JAML: variants seen among roughly 807,000 people sequenced by gnomAD.
JAML encodes junctional adhesion molecule-like.
In JAML, 25 loss-of-function variants were observed where a neutral mutation model predicts 39.3. The ratio of observed to expected loss-of-function variants is 0.64; its 90% confidence interval spans 0.46 to 0.89. The LOEUF is 0.89. Ranked by LOEUF, JAML falls within the 40% of genes least tolerant of loss-of-function variation. JAML has a pLI of 0.00. For missense variants in JAML, 440 were observed against 486.9 expected (o/e 0.90, Z 0.91); for synonymous variants, 162 against 179.2 (o/e 0.90, Z 0.77).
At chr11:118,212,348 C>T in intron 3 of JAML, 59 bp downstream of exon 3, 1 of 1,583,520 alleles carries the variant, frequency 6.3e-7, no homozygotes, top group East Asian at 2.2e-5. Flanking sequence ...TTACACCACT[C>T]TGTCCTGACA....
intron 2 of JAML, 94 bp from the exon 3 acceptor site, chr11:118,212,655 C>A: frequency 6.5e-7 from 1 of 1,532,200 alleles, no homozygotes. Flanking sequence ...ACACCCCTCT[C>A]CCTGGATGAT....
In JAML at chr11:118,194,147, C is replaced by A; in HGVS notation, c.*178G>T. On this transcript the variant is annotated 3_prime_UTR_variant, in exon 10 of 10. Coordinates refer to ENST00000356289, the MANE Select transcript of JAML (RefSeq NM_001098526.2). ...CCTCCCCTCAGCAGGCCTGTTCCTC[C>A]AGAGCTGTCCAGTCTCTCTGCCAGG... is the stretch of plus-strand genomic sequence containing the variant. The A allele has an allele frequency of 1.7e-6, 1 of 598,814 alleles. No individual in the cohort carries two copies. Among genetic ancestry groups the A allele is most frequent in the South Asian group, 1.8e-5 (1 of 54,512 alleles). 37.1% of individuals were successfully genotyped at this position (598,814 alleles called of 1,614,324 possible).
Position 118,205,998 on chromosome 11 carries a change from A to G in JAML, c.425-7T>C, listed in dbSNP as rs1286207670. The G allele has an allele frequency of 2.5e-6, 4 of 1,602,866 alleles. No homozygotes were observed. The highest frequency in any genetic ancestry group is 3.4e-6 in the Non-Finnish European group (4 of 1,169,856). The stretch of plus-strand genomic sequence containing the variant: ...CCCACATGGACCATGAGCTCTGAGG[A>G]TAAAACAGTAAATCAAGTCAGACTC... On this transcript the variant is annotated splice_region_variant and splice_polypyrimidine_tract_variant and intron_variant, in intron 4 of 9. Coordinates refer to ENST00000356289, the MANE Select transcript of JAML (RefSeq NM_001098526.2).
chr11:118,205,834 C>T (rs1375763725), intron 5 of JAML, 48 bp downstream of exon 5: 6 of 1,538,212 alleles, frequency 3.9e-6, no homozygotes, highest in African/African-American at 1.4e-5. Context: ...TGTCCTGATA[C>T]CATCAGCCAG....
intron 7 of JAML, among the ~76,000 whole-genome samples, chr11:118,199,853 C>G (rs1055207074): frequency 6.6e-6 from 1 of 151,862 alleles, no homozygotes; most frequent in African/African-American, 2.4e-5. Flanking sequence ...CATGCCACCA[C>G]GTCCAGCTAA....
intron 8 of JAML, 91 bp from the exon 9 acceptor site, chr11:118,196,912 C>T (rs1445136764): frequency 5.6e-5 from 57 of 1,015,756 alleles, no homozygotes; most frequent in Non-Finnish European, 8.0e-5. Context: ...TGCTAGGCAT[C>T]GACCACCCAA....
intron 1 of JAML, among the ~76,000 whole-genome samples, chr11:118,221,194 T>C (rs2134679811): frequency 6.6e-6 from 1 of 152,318 alleles, no homozygotes; most frequent in South Asian, 2.1e-4. Context: ...AAAAGAAGCA[T>C]GCGTAATAAT....
intron 4 of JAML, among the ~76,000 whole-genome samples, chr11:118,208,270 C>T (rs897700199): frequency 6.6e-6 from 1 of 151,944 alleles, no homozygotes; most frequent in Non-Finnish European, 1.5e-5. Context: ...TCCTTGGGCA[C>T]AGGCATCTGA....
intron 4 of JAML, 25 bp from the exon 5 acceptor site, chr11:118,206,016 T>A (rs1948908827): frequency 6.4e-7 from 1 of 1,572,022 alleles, no homozygotes; most frequent in African/African-American, 1.4e-5. Context: ...GTAAATCAAG[T>A]CAGACTCAAG....
At position 118,203,507 on chromosome 11, in the gene JAML, G is replaced by C. The variant is rs200002870; in HGVS notation, c.693C>G (p.Asn231Lys). Residue 231 changes from asparagine (N) to lysine (K), a missense_variant, in exon 6 of 10, where the codon AAC becomes AAG. Transcript: ENST00000356289. ...TCCCTAGGTGGATACTGCAGGTGTA[G>C]TTTCCTCCATCTGACTCCCTCACTC... Reference protein sequence around the residue: ...LQGVRESDGGNYTCSIHLGNL... With the variant: ...LQGVRESDGGKYTCSIHLGNL... 1 of 1,614,044 alleles carries C rather than the reference G, an allele frequency of 6.2e-7. No homozygotes were observed. The highest frequency in any genetic ancestry group is 8.5e-7 in the Non-Finnish European group (1 of 1,180,044).
intron 1 of JAML, among the ~76,000 whole-genome samples, chr11:118,219,333 A>T (rs1043286380): frequency 6.6e-5 from 10 of 152,230 alleles, no homozygotes; most frequent in African/African-American, 1.7e-4. Context: ...TAGGAATGCA[A>T]ACTAGTACAG....
chr11:118,202,589 T>C (rs998941712), intron 6 of JAML: 1 of 217,652 alleles, frequency 4.6e-6, no homozygotes, highest in Non-Finnish European at 9.5e-6. Context: ...AGAAGCTGCA[T>C]GAGCCCCCAT....
Position 118,200,518 on chromosome 11 carries a change from G to A in JAML, c.867C>T (p.Leu289=). 1 of 1,614,058 alleles carries A rather than the reference G, an allele frequency of 6.2e-7. No individual in the cohort carries two copies. Among genetic ancestry groups the A allele is most frequent in the Non-Finnish European group, 8.5e-7 (1 of 1,180,010 alleles). The change falls in exon 7 of 10, where the codon CTC becomes CTT. Residue 289 remains leucine, a synonymous_variant. Coordinates refer to ENST00000356289, the MANE Select transcript of JAML (RefSeq NM_001098526.2). ...TCTTCACGATCAATATCAGAACAGG[G>A]AGCAGCAGGATTGTGGCACAGACAA... is the stretch of plus-strand genomic sequence containing the variant. ...VGIVCATILL[L]PVLILIVKKT... is the part of the protein sequence containing the mutation.
At chr11:118,197,643 T>C (rs947081488) in intron 8 of JAML, 5 of 209,644 alleles carry the variant, frequency 2.4e-5, no homozygotes, top group African/African-American at 4.7e-5. Context: ...ATCATCATCT[T>C]ATGTGAACCT....
At chr11:118,202,984 CT>C (rs1232019731) in intron 6 of JAML, 1 of 457,626 alleles carries the variant, frequency 2.2e-6, no homozygotes, top group Non-Finnish European at 4.4e-6. Flanking sequence ...GTTCTGGTGC[CT>C]GCATGTTCCT....
At chr11:118,207,872 G>A (rs1030082452) in intron 4 of JAML, among the ~76,000 whole-genome samples, 23 of 152,154 alleles carry the variant, frequency 1.5e-4, no homozygotes, top group African/African-American at 4.8e-4. Flanking sequence ...TTCCCTCTGT[G>A]TCTCTTCTAA....
intron 4 of JAML, among the ~76,000 whole-genome samples, chr11:118,206,730 T>C (rs966802134): frequency 3.9e-5 from 6 of 152,136 alleles, no homozygotes; most frequent in Non-Finnish European, 7.4e-5. Flanking sequence ...TTCCACCTCC[T>C]AGGCTCTTCC....
chr11:118,196,735 C>T lies in JAML; in HGVS notation c.1092G>A (p.Met364Ile). Residue 364 changes from methionine (M) to isoleucine (I), a missense_variant and splice_region_variant, in exon 9 of 10, where the codon ATG becomes ATA. Transcript: ENST00000356289. ...CAGCTGAGGCCAGAATCATTCTCAC[C>T]ATGGTCATGTAGGTGGCCTCTGATT... The part of the protein sequence containing the change: ...SEKSEATYMT[M>I]HPVWPSLRSD... 1.2e-6 allele frequency: 2 copies of T among 1,607,568 alleles called. No homozygotes were observed. The highest frequency in any genetic ancestry group is 2.2e-5 in the South Asian group (2 of 90,940).
intron 1 of JAML, 51 bp from the exon 2 acceptor site, chr11:118,214,937 A>G (rs769708195): frequency 1.4e-5 from 21 of 1,549,860 alleles, no homozygotes; most frequent in Non-Finnish European, 1.7e-5. Flanking sequence ...GAAGCTCATT[A>G]ATTTAAAAAA....
Sources: allele counts gnomAD v4.1 joint callset (sites outside exome capture counted in the v4.1 genomes callset), GRCh38; gene constraint gnomAD v4.1.1; transcripts MANE v1.5; gene names NCBI Gene and HGNC (gene_info 2026-07-23, HGNC 2026-07-21).